The following CGGBP1 variants were observed in gnomAD, a reference collection of about 807,000 sequenced individuals.
CGGBP1 encodes the protein CGG triplet repeat-binding protein 1.
Under a neutral mutation model 11.4 loss-of-function variants are expected in CGGBP1, and 4 were observed. The observed-to-expected ratio is 0.35, with a 90% CI of 0.17 to 0.80. CGGBP1 has a LOEUF of 0.80. Among genes scored for constraint, CGGBP1 ranks in the 30% least tolerant of loss-of-function variants. The pLI is 0.52. For synonymous variants in CGGBP1, 76 were observed against 74.1 expected (o/e 1.03, Z -0.13); for missense variants, 135 against 202.1 (o/e 0.67, Z 2.01).
intron 1 of CGGBP1, among the ~76,000 whole-genome samples, chr3:88,145,055 T>C (rs555528890): frequency 1.0e-5 from 1 of 96,700 alleles, no homozygotes; most frequent in African/African-American, 3.2e-5. Flanking sequence ...GAAGAGCTTC[T>C]GGTGGAACTT....
upstream of CGGBP1, among the ~76,000 whole-genome samples, chr3:88,060,450 A>G (rs1006568710): frequency 2.0e-5 from 3 of 152,168 alleles, no homozygotes; most frequent in Admixed American, 1.3e-4. Flanking sequence ...GTTCCCATTC[A>G]CAACAATCTT....
chr3:88,102,817 C>CTTTTTTTTT (rs10701359), intron 2 of CGGBP1, among the ~76,000 whole-genome samples: 6 of 106,530 alleles, frequency 5.6e-5, no homozygotes, highest in African/African-American at 1.0e-4. Flanking sequence ...CCTCTACTGT[C>CTTTTTTTTT]TTTTTTTTTT....
At chr3:88,063,613 T>C (rs568349138), upstream of CGGBP1, among the ~76,000 whole-genome samples, 11 of 152,348 alleles carry the variant, frequency 7.2e-5, no homozygotes, top group African/African-American at 2.4e-4. Context: ...ATTGGGATTA[T>C]TTTTAATTTA....
intron 1 of CGGBP1, chr3:88,141,098 CATAA>C: frequency 6.6e-7 from 1 of 1,523,468 alleles, no homozygotes; most frequent in Non-Finnish European, 8.8e-7. Context: ...GAGAAAATGG[CATAA>C]ATAAAACTAT....
chr3:88,148,097 G>A (rs997558014), intron 1 of CGGBP1, among the ~76,000 whole-genome samples: 2 of 152,130 alleles, frequency 1.3e-5, no homozygotes, highest in Admixed American at 1.3e-4. Context: ...TTCTCCTGCG[G>A]CTCACTCACT....
At chr3:88,134,542 T>C (rs1439333990) in intron 2 of CGGBP1, among the ~76,000 whole-genome samples, 1 of 152,058 alleles carries the variant, frequency 6.6e-6, no homozygotes, top group Non-Finnish European at 1.5e-5. Context: ...GTTCAAATGG[T>C]CCATAACCTG....
chr3:88,120,379 T>C (rs1226876597), intron 2 of CGGBP1, among the ~76,000 whole-genome samples: 3 of 152,220 alleles, frequency 2.0e-5, no homozygotes, highest in East Asian at 3.8e-4. Context: ...TTGAGAGCTT[T>C]ATTGTCTAAG....
intron 2 of CGGBP1, chr3:88,126,189 G>A (rs1169878462): frequency 3.9e-6 from 6 of 1,526,332 alleles, no homozygotes; most frequent in East Asian, 2.5e-5. Flanking sequence ...CTGGTGACTC[G>A]AATCATTAGA....
At chr3:88,138,594 A>G in intron 2 of CGGBP1, 1 of 573,928 alleles carries the variant, frequency 1.7e-6, no homozygotes, top group Non-Finnish European at 2.6e-6. Context: ...GGACATTGGA[A>G]TACTATGTTT....
intron 2 of CGGBP1, among the ~76,000 whole-genome samples, chr3:88,098,357 A>G (rs898774937): frequency 6.6e-6 from 1 of 152,198 alleles, no homozygotes; most frequent in Admixed American, 6.5e-5. Context: ...CCAACCAAAA[A>G]GGGTCCAGGA....
At chr3:88,124,721 C>G (rs950968118) in intron 2 of CGGBP1, among the ~76,000 whole-genome samples, 1 of 150,898 alleles carries the variant, frequency 6.6e-6, no homozygotes. Flanking sequence ...TTTGTGAGCA[C>G]AGAATTAAAT....
intron 2 of CGGBP1, among the ~76,000 whole-genome samples, chr3:88,112,919 C>A (rs921352583): frequency 3.9e-5 from 6 of 152,058 alleles, no homozygotes; most frequent in African/African-American, 1.4e-4. Flanking sequence ...AAGTATATTT[C>A]TTTGTATTTT....
At chr3:88,144,132 C>G (rs1408645884) in intron 1 of CGGBP1, 1 of 152,202 alleles carries the variant, frequency 6.6e-6, no homozygotes, top group African/African-American at 2.4e-5. Flanking sequence ...AAGAAAATAG[C>G]AAATCTGAAT....
chr3:88,077,541 A>G (rs535784134), intron 2 of CGGBP1, among the ~76,000 whole-genome samples: 1 of 152,056 alleles, frequency 6.6e-6, no homozygotes, highest in Admixed American at 6.5e-5. Flanking sequence ...TTCCCTGTGT[A>G]TGGGGAATCA....
At chr3:88,128,157 T>G (rs560924877) in intron 2 of CGGBP1, among the ~76,000 whole-genome samples, 5 of 152,254 alleles carry the variant, frequency 3.3e-5, no homozygotes, top group South Asian at 2.1e-4. Flanking sequence ...ATCATAAGGT[T>G]GTTGTTAGGT....
rs1260396227 is a variant in CGGBP1 at position 88,057,199 on chromosome 3, A to G, written c.-32T>C. The stretch of plus-strand genomic sequence containing the variant: ...ATTCCATGAATACATACTAGAGAAT[A>G]GCTGGGTAACATGAACTCTCTTTCA... On this transcript the variant is annotated 5_prime_UTR_variant, in exon 3 of 4. Transcript: ENST00000482016. 6.6e-6 allele frequency: 1 copy of G among 152,260 alleles called. No individual in the cohort carries two copies. The highest frequency in any genetic ancestry group is 1.5e-5 in the Non-Finnish European group (1 of 68,048). 9.4% of individuals were successfully genotyped at this position (152,260 alleles called of 1,614,324 possible). A position where few individuals can be genotyped will look rare whatever the true frequency, so the allele number is the denominator to read the frequency against.
At chr3:88,107,049 G>T (rs1336365120) in intron 2 of CGGBP1, among the ~76,000 whole-genome samples, 1 of 152,020 alleles carries the variant, frequency 6.6e-6, no homozygotes, top group Non-Finnish European at 1.5e-5. Context: ...CATTTCTCTT[G>T]TTTCATGTTT....
At chr3:88,142,114 C>T (rs1707161977) in intron 1 of CGGBP1, 1 of 152,758 alleles carries the variant, frequency 6.5e-6, no homozygotes, top group African/African-American at 2.4e-5. Context: ...CAGATTATGT[C>T]CCCTCCCTTC....
At chr3:88,073,746 G>A (rs1387482152) in intron 2 of CGGBP1, among the ~76,000 whole-genome samples, 1 of 152,062 alleles carries the variant, frequency 6.6e-6, no homozygotes, top group Non-Finnish European at 1.5e-5. Flanking sequence ...AAGAGTTAGT[G>A]CATTCTTCTT....
Sources: gnomAD v4.1 joint callset for allele counts (sites outside exome capture counted in the v4.1 genomes callset) on GRCh38, gnomAD v4.1.1 for gene constraint, MANE v1.5 for transcripts, NCBI Gene and HGNC (gene_info 2026-07-23, HGNC 2026-07-21) for gene names.